The following PPP1R13B variants were observed in gnomAD, a reference collection of about 807,000 sequenced individuals.
PPP1R13B encodes apoptosis-stimulating of p53 protein 1.
A neutral mutation model predicts 119.8 loss-of-function variants in PPP1R13B; 44 were observed. The observed-to-expected ratio is 0.37, with a 90% confidence interval of 0.29 to 0.47. The LOEUF (loss-of-function observed/expected upper bound fraction) is 0.47. Among genes scored for constraint, PPP1R13B ranks in the 20% least tolerant of loss-of-function variants. The probability of loss-of-function intolerance (pLI) is 0.99; values close to 1 mark genes in which losing one functional copy is unlikely to be tolerated. For missense variants in PPP1R13B, 1,227 were observed against 1,413.5 expected (o/e 0.87, Z 2.12); for synonymous variants, 542 against 561.5 (o/e 0.97, Z 0.49).
rs577716014 is a variant in PPP1R13B at position 103,742,019 on chromosome 14, C to T, written c.1593G>A (p.Pro531=). The T allele has an allele frequency of 1.7e-5, 27 of 1,614,244 alleles. No individual in the cohort carries two copies. The highest frequency in any genetic ancestry group is 4.0e-5 in the African/African-American group (3 of 75,072). ...CTGGAAATGCAGGTGGTCCCGCTGG[C>T]GGGTACGTGGGACTTGGCGGTACGG... ...RISVPPSPTY[P]PAGPPAFPAG... The change falls in exon 11 of 17, where the codon CCG becomes CCA. Residue 531 remains proline, a synonymous_variant. Transcript: ENST00000202556. The surrounding 1 kb of genome is among the most constrained non-coding windows in gnomAD (Gnocchi z 4.9).
chr14:103,783,407 ACAC>A (rs1015084964), intron 3 of PPP1R13B, among the ~76,000 whole-genome samples: 2 of 151,616 alleles, frequency 1.3e-5, no homozygotes, highest in African/African-American at 4.9e-5. Context: ...TTATAGGCGC[ACAC>A]CACCACATCG....
At chr14:103,798,544 G>A (rs1322215811) in intron 1 of PPP1R13B, among the ~76,000 whole-genome samples, 5 of 151,712 alleles carry the variant, frequency 3.3e-5, no homozygotes, top group Admixed American at 6.6e-5. Flanking sequence ...TACATAAAGC[G>A]CTCCTAAAAA....
At chr14:103,757,835 C>A in intron 4 of PPP1R13B, 84 bp from the exon 5 acceptor site, 1 of 1,138,846 alleles carries the variant, frequency 8.8e-7, no homozygotes, top group Middle Eastern at 2.1e-4. Context: ...CATATCAGGA[C>A]TTTAGATAGG....
rs1315143702 is a variant in PPP1R13B at position 103,735,998 on chromosome 14, C to T, written c.3231+5G>A. 6.2e-7 allele frequency: 1 copy of T among 1,614,076 alleles called. No homozygotes were observed. Among genetic ancestry groups the T allele is most frequent in the Admixed American group, 1.7e-5 (1 of 60,016 alleles). ...AGTTTCCCAGTAAGTAACCTGAGTG[C>T]TCACCCCCAGCAGGTTTTTGGGCAC... is the stretch of plus-strand genomic sequence containing the variant. On this transcript the variant is annotated splice_donor_5th_base_variant and intron_variant, in intron 16 of 16. Coordinates refer to ENST00000202556, the MANE Select transcript of PPP1R13B (RefSeq NM_015316.3).
At chr14:103,794,325 TTTG>T (rs1462653930) in intron 2 of PPP1R13B, among the ~76,000 whole-genome samples, 1 of 103,722 alleles carries the variant, frequency 9.6e-6, no homozygotes, top group Non-Finnish European at 1.8e-5. Context: ...TAATTTGTTT[TTTG>T]TTTTTTTTTT....
intron 1 of PPP1R13B, among the ~76,000 whole-genome samples, chr14:103,821,702 G>A (rs1439818956): frequency 1.3e-5 from 2 of 152,070 alleles, no homozygotes; most frequent in Admixed American, 6.6e-5. Context: ...GGTAAGCTGA[G>A]ATTGCGCCAT....
intron 1 of PPP1R13B, among the ~76,000 whole-genome samples, chr14:103,819,240 G>C (rs866154149): frequency 1.2e-4 from 19 of 152,170 alleles, no homozygotes; most frequent in African/African-American, 4.6e-4. Flanking sequence ...AGCAGCCCTT[G>C]GAGGGTTTTA....
rs184702582 is a variant in PPP1R13B at position 103,805,288 on chromosome 14, A to G, written c.10-7770T>C. ...TCATAGTAGCCAAAAAGAAGAAACA[A>G]GGCCAGGAACGGTGGCTCATGCCTG... On this transcript the variant is annotated intron_variant, in intron 1 of 16. Transcript: ENST00000202556. Among the ~76,000 whole-genome samples, 8 of 152,248 alleles carry G rather than the reference A, an allele frequency of 5.3e-5. No homozygotes were observed. In the East Asian group the frequency reaches 1.5e-3, roughly 29 times the overall value.
intron 9 of PPP1R13B, among the ~76,000 whole-genome samples, chr14:103,743,139 C>T (rs1468611715): frequency 6.6e-6 from 1 of 152,234 alleles, no homozygotes; most frequent in Non-Finnish European, 1.5e-5. Context: ...TATTTTAACA[C>T]AGGTCAAATC....
chr14:103,738,954 G>A lies in PPP1R13B; in HGVS notation c.2662C>T (p.Pro888Ser). 1.2e-6 allele frequency: 2 copies of A among 1,614,072 alleles called. No homozygotes were observed. Among genetic ancestry groups the A allele is most frequent in the Non-Finnish European group, 8.5e-7 (1 of 1,179,998 alleles). ...GACGCGTCTAGGAGCAGTGCCAGGGGGTTAAACCGGACTCTCAGCCCGTGC... is the reference window on the plus strand; with the variant it reads ...GACGCGTCTAGGAGCAGTGCCAGGGAGTTAAACCGGACTCTCAGCCCGTGC... The part of the protein sequence containing the change: ...TGHGLRVRFN[P>S]LALLLDASLE... The change falls in exon 13 of 17, where the codon CCC becomes TCC. Residue 888 changes from proline (P) to serine (S), a missense_variant. Transcript: ENST00000202556. This position sits in a 1 kb window ranked among gnomAD's most constrained non-coding sequence, Gnocchi z 5.6.
chr14:103,748,066 T>TACACAC (rs58398068), intron 8 of PPP1R13B, among the ~76,000 whole-genome samples: 179 of 138,236 alleles, frequency 1.3e-3, no homozygotes, highest in East Asian at 7.1e-3. Flanking sequence ...TTAAATCACA[T>TACACAC]ACACACACAC....
rs1284378969 is a variant in PPP1R13B at position 103,757,766 on chromosome 14, C to T, written c.355-15G>A. 5 of 1,604,208 alleles carry T rather than the reference C, an allele frequency of 3.1e-6. No homozygotes were observed. The highest frequency in any genetic ancestry group is 4.3e-6 in the Non-Finnish European group (5 of 1,171,706). Reference sequence around the variant, plus strand: ...GGATTCCCAACCTAAACAAAAAGCACTTATTTTGGAACATAAGTTTATCTG... The same window carrying T: ...GGATTCCCAACCTAAACAAAAAGCATTTATTTTGGAACATAAGTTTATCTG... On this transcript the variant is annotated splice_polypyrimidine_tract_variant and intron_variant, in intron 4 of 16. Transcript: ENST00000202556.
Position 103,742,081 on chromosome 14 carries a change from G to T in PPP1R13B, c.1531C>A (p.Gln511Lys). The change falls in exon 11 of 17, where the codon CAG becomes AAG. Residue 511 changes from glutamine (Q) to lysine (K), a missense_variant. Gln to Lys is a moderately conservative substitution (Grantham distance 53, BLOSUM62 1). Transcript: ENST00000202556. This position sits in a 1 kb window ranked among gnomAD's most constrained non-coding sequence, Gnocchi z 4.9. ...TGAATCTGTTGTGAGGAGCCTGGCT[G>T]GGGGGTGCTGCCTGTGGCGGGCAGC... ...TLLPATGSTPQPGSSQQIQQR... is the reference protein window; with the variant it reads ...TLLPATGSTPKPGSSQQIQQR... 6.2e-7 allele frequency: 1 copy of T among 1,613,720 alleles called. No individual in the cohort carries two copies. The highest frequency in any genetic ancestry group is 1.1e-5 in the South Asian group (1 of 91,076).
chr14:103,809,271 A>G (rs1305696530), intron 1 of PPP1R13B, among the ~76,000 whole-genome samples: 1 of 152,186 alleles, frequency 6.6e-6, no homozygotes, highest in Non-Finnish European at 1.5e-5. Flanking sequence ...TTGCGTTAAT[A>G]ATTTCACATT....
chr14:103,803,840 GCTCA>G (rs1418103238), intron 1 of PPP1R13B, among the ~76,000 whole-genome samples: 1 of 151,992 alleles, frequency 6.6e-6, no homozygotes, highest in Non-Finnish European at 1.5e-5. Context: ...GCCCCTTTCT[GCTCA>G]CTGACAGTAC....
rs568669202 is a variant in PPP1R13B at position 103,799,381 on chromosome 14, T to G, written c.10-1863A>C. Among the ~76,000 whole-genome samples the G allele has an allele frequency of 8.7e-4, 132 of 152,052 alleles. 3 individuals carry two copies. In the East Asian group the frequency reaches 0.02, roughly 23 times the overall value. ...TTTCAGTAGAGACGGGGTTTCACCG[T>G]GTTAGCCAGGCTGGTCTTGAACTCC... On this transcript the variant is annotated intron_variant, in intron 1 of 16. Coordinates refer to ENST00000202556, the MANE Select transcript of PPP1R13B (RefSeq NM_015316.3).
At chr14:103,802,878 T>C (rs971978857) in intron 1 of PPP1R13B, among the ~76,000 whole-genome samples, 11 of 152,210 alleles carry the variant, frequency 7.2e-5, no homozygotes, top group African/African-American at 2.7e-4. Context: ...TTTCTTGTGT[T>C]CCATTTTATC....
chr14:103,761,274 TAAA>T (rs59281762), intron 4 of PPP1R13B, among the ~76,000 whole-genome samples: 1 of 104,748 alleles, frequency 9.5e-6, no homozygotes, highest in Middle Eastern at 6.6e-3. Flanking sequence ...ACCCTATATT[TAAA>T]AAAAAAAAAA....
At chr14:103,785,023 CAT>C in intron 2 of PPP1R13B, 109 bp from the exon 3 acceptor site, 8 of 943,442 alleles carry the variant, frequency 8.5e-6, no homozygotes, top group Non-Finnish European at 1.2e-5. Context: ...TGTATGTCTA[CAT>C]GTTACAATTC....
Sources: gnomAD v4.1 joint callset for allele counts (sites outside exome capture counted in the v4.1 genomes callset) on GRCh38, gnomAD v4.1.1 for gene constraint, Gnocchi (gnomAD v3.1) non-coding constraint, MANE v1.5 for transcripts, NCBI Gene and HGNC (gene_info 2026-07-23, HGNC 2026-07-21) for gene names.